Variants in TUBAL3 observed in about 807,000 individuals in gnomAD.
TUBAL3 encodes the protein tubulin alpha chain-like 3.
TUBAL3 carries 16 observed loss-of-function variants against 15.5 expected under a neutral mutation model. That is an observed-to-expected ratio of 1.04 (90% CI 0.70 to 1.57). The LOEUF is 1.57. Ranked by LOEUF, TUBAL3 falls within the 40% of genes most tolerant of loss-of-function variation. The pLI is 0.00. For missense variants in TUBAL3, 609 were observed against 576.2 expected (o/e 1.06, Z -0.58); for synonymous variants, 238 against 224.3 (o/e 1.06, Z -0.55).
At position 5,395,661 on chromosome 10, in the gene TUBAL3, C is replaced by T. The variant is rs921808134; in HGVS notation, c.248-186G>A. Among the ~76,000 whole-genome samples, 1 of 152,170 alleles carries T rather than the reference C, an allele frequency of 6.6e-6. No homozygotes were observed. Among genetic ancestry groups the T allele is most frequent in the African/African-American group, 2.4e-5 (1 of 41,430 alleles). On this transcript the variant is annotated intron_variant, in intron 2 of 3. Transcript: ENST00000380419. This position sits in a 1 kb window ranked among gnomAD's most constrained non-coding sequence, Gnocchi z 4.6. ...AGTCCAGGAGAAGTGGAATTTTTTA[C>T]ATATACATGGAAAGTATGTTTTTCT...
rs782485235 is a variant in TUBAL3 at position 5,395,434 on chromosome 10, C to T, written c.289G>A (p.Glu97Lys). 13 of 1,601,824 alleles carry T rather than the reference C, an allele frequency of 8.1e-6. No homozygotes were observed. Among genetic ancestry groups the T allele is most frequent in the South Asian group, 4.5e-5 (4 of 89,630 alleles). ...TCCTCCTTTCCGCTAAGGAGCTGCT[C>T]GGGGTGGAAGAGTGAACGGTGCTGG... ...TGQHRSLFHP[E>K]QLLSGKEDAA... The change falls in exon 3 of 4, where the codon GAG (glutamate) becomes AAG (lysine). Residue 97 changes from glutamate to lysine, a missense_variant. Coordinates refer to ENST00000380419, the MANE Select transcript of TUBAL3 (RefSeq NM_024803.3). The surrounding 1 kb of genome is among the most constrained non-coding windows in gnomAD (Gnocchi z 4.6).
intron 1 of TUBAL3, among the ~76,000 whole-genome samples, chr10:5,403,667 G>A (rs1831890868): frequency 6.6e-6 from 1 of 152,154 alleles, no homozygotes; most frequent in Non-Finnish European, 1.5e-5. Flanking sequence ...CGTCTTTGAA[G>A]GAGCTTAGCT....
At position 5,394,615 on chromosome 10, in the gene TUBAL3, T is replaced by C. The variant is rs1356493501; in HGVS notation, c.397-154A>G. ...TTAACTCCACAACAAACATAGCTAC[T>C]TTGAAATACTCTCAAGGGGACTTCT... On this transcript the variant is annotated intron_variant, in intron 3 of 3. Transcript: ENST00000380419. The surrounding 1 kb of genome is among the most constrained non-coding windows in gnomAD (Gnocchi z 4.3). Among the ~76,000 whole-genome samples the C allele has an allele frequency of 6.6e-6, 1 of 152,198 alleles. No homozygotes were observed. Among genetic ancestry groups the C allele is most frequent in the East Asian group, 1.9e-4 (1 of 5,200 alleles).
At chr10:5,403,133 C>T (rs1831881219) in intron 1 of TUBAL3, among the ~76,000 whole-genome samples, 1 of 152,216 alleles carries the variant, frequency 6.6e-6, no homozygotes, top group African/African-American at 2.4e-5. Flanking sequence ...TTCTGTGCAA[C>T]TATCAGTCTC....
At position 5,394,222 on chromosome 10, in the gene TUBAL3, G is replaced by C. The variant is rs782789211; in HGVS notation, c.636C>G (p.Asp212Glu). ...TEHTDCTFMV[D>E]NEAVYDICHR... Reference sequence around the variant, plus strand: ...GGCATATATCATAGACGGCCTCGTTGTCCACCATGAAGGTACAGTCCGTGT... The same window carrying C: ...GGCATATATCATAGACGGCCTCGTTCTCCACCATGAAGGTACAGTCCGTGT... Residue 212 changes from aspartate (D) to glutamate (E), a missense_variant, in exon 4 of 4, where the codon GAC becomes GAG. Asp to Glu is a conservative substitution (Grantham distance 45). Coordinates refer to ENST00000380419, the MANE Select transcript of TUBAL3 (RefSeq NM_024803.3). The surrounding 1 kb of genome is among the most constrained non-coding windows in gnomAD (Gnocchi z 4.3). 3.1e-6 allele frequency: 5 copies of C among 1,614,200 alleles called. No homozygotes were observed. Among genetic ancestry groups the C allele is most frequent in the Non-Finnish European group, 4.2e-6 (5 of 1,180,040 alleles).
At position 5,395,281 on chromosome 10, in the gene TUBAL3, C is replaced by A; in HGVS notation, c.396+46G>T. ...TTGTGAGTTCTGCCGCAGGACCCCACATGCCCCAGGCACAGCCCACTCGGA... is the reference window on the plus strand; with the variant it reads ...TTGTGAGTTCTGCCGCAGGACCCCAAATGCCCCAGGCACAGCCCACTCGGA... On this transcript the variant is annotated intron_variant, in intron 3 of 3. Coordinates refer to ENST00000380419, the MANE Select transcript of TUBAL3 (RefSeq NM_024803.3). The surrounding 1 kb of genome is among the most constrained non-coding windows in gnomAD (Gnocchi z 4.6). The A allele has an allele frequency of 7.0e-7, 1 of 1,420,804 alleles. No homozygotes were observed. The highest frequency in any genetic ancestry group is 9.3e-7 in the Non-Finnish European group (1 of 1,075,148). The allele number at this position is 1,420,804 out of a possible 1,614,324, so 88.0% of individuals were successfully genotyped here. A position where few individuals can be genotyped will look rare whatever the true frequency, so the allele number is the denominator to read the frequency against.
chr10:5,404,759 T>C (rs2119152149), intron 1 of TUBAL3, 31 bp downstream of exon 1: 1 of 1,612,566 alleles, frequency 6.2e-7, no homozygotes, highest in East Asian at 2.2e-5. Flanking sequence ...TAAAATTTCC[T>C]ACAACAATGC....
rs1554813675 is a variant in TUBAL3, at chr10:5,393,491, A to G, written c.*26T>C. 6.5e-7 allele frequency: 1 copy of G among 1,543,032 alleles called. No individual in the cohort carries two copies. The highest frequency in any genetic ancestry group is 8.7e-7 in the Non-Finnish European group (1 of 1,143,210). ...AGAAAACATGCCATTTTAACTTGACATTCATTTGCACCCATCATACATGCC... is the reference window on the plus strand; with the variant it reads ...AGAAAACATGCCATTTTAACTTGACGTTCATTTGCACCCATCATACATGCC... On this transcript the variant is annotated 3_prime_UTR_variant, in exon 4 of 4. Transcript: ENST00000380419.
At position 5,394,573 on chromosome 10, in the gene TUBAL3, G is replaced by A; in HGVS notation, c.397-112C>T. ...TCCCCAAAACAAAATCTTTCAGAAA[G>A]GACTCCTTTGCCTTTGTTAACTCCA... On this transcript the variant is annotated intron_variant, in intron 3 of 3. Transcript: ENST00000380419. The surrounding 1 kb of genome is among the most constrained non-coding windows in gnomAD (Gnocchi z 4.3). The A allele has an allele frequency of 3.2e-6, 3 of 946,678 alleles. No individual in the cohort carries two copies. The highest frequency in any genetic ancestry group is 3.6e-5 in the South Asian group (2 of 55,552). 58.6% of individuals were successfully genotyped at this position (946,678 alleles called of 1,614,324 possible). A position where few individuals can be genotyped will look rare whatever the true frequency, so the allele number is the denominator to read the frequency against.
chr10:5,404,692 T>C, intron 1 of TUBAL3, 98 bp downstream of exon 1: 1 of 1,259,108 alleles, frequency 7.9e-7, no homozygotes, highest in Non-Finnish European at 1.1e-6. Context: ...TGTCTTCTCT[T>C]GCATTACAAT....
Position 5,394,153 on chromosome 10 carries a change from A to C in TUBAL3, c.705T>G (p.Asn235Lys). 6.2e-7 allele frequency: 1 copy of C among 1,614,222 alleles called. No individual in the cohort carries two copies. The highest frequency in any genetic ancestry group is 8.5e-7 in the Non-Finnish European group (1 of 1,180,050). The change falls in exon 4 of 4, where the codon AAT becomes AAG. Residue 235 changes from asparagine (N) to lysine (K), a missense_variant. Coordinates refer to ENST00000380419, the MANE Select transcript of TUBAL3 (RefSeq NM_024803.3). The surrounding 1 kb of genome is among the most constrained non-coding windows in gnomAD (Gnocchi z 4.3). ...GVECPSHASINRLVVQVVSSI... is the reference protein window; with the variant it reads ...GVECPSHASIKRLVVQVVSSI... Reference sequence around the variant, plus strand: ...AAGATACCACCTGAACCACCAATCTATTGATGCTGGCATGAGAGGGGCATT... The same window carrying C: ...AAGATACCACCTGAACCACCAATCTCTTGATGCTGGCATGAGAGGGGCATT...
At position 5,394,447 on chromosome 10, in the gene TUBAL3, A is replaced by T; in HGVS notation, c.411T>A (p.Gly137=). The change falls in exon 4 of 4, where the codon GGT becomes GGA. Residue 137 remains glycine, a synonymous_variant. Transcript: ENST00000380419. The surrounding 1 kb of genome is among the most constrained non-coding windows in gnomAD (Gnocchi z 4.3). ...GGAAAATCAAAAATCCCTGAAGTCC[A>T]CCACACTGTTCTGCCTGGAGAAAGT... The part of the protein sequence containing the change: ...ERTRKLAEQC[G]GLQGFLIFRS... 1 of 1,608,756 alleles carries T rather than the reference A, an allele frequency of 6.2e-7. No individual in the cohort carries two copies. Among genetic ancestry groups the T allele is most frequent in the Non-Finnish European group, 8.5e-7 (1 of 1,177,598 alleles).
Position 5,393,339 on chromosome 10 carries a change from G to A in TUBAL3, c.*178C>T, listed in dbSNP as rs1286395155. On this transcript the variant is annotated 3_prime_UTR_variant, in exon 4 of 4. Coordinates refer to ENST00000380419, the MANE Select transcript of TUBAL3 (RefSeq NM_024803.3). ...AGAGCTGACTTGTACCAGTAGACCA[G>A]GAAATAATGTGTTCATTGTTGGTAC... is the stretch of plus-strand genomic sequence containing the variant. The A allele has an allele frequency of 6.7e-5, 39 of 580,760 alleles. No homozygotes were observed. In the East Asian group the frequency reaches 1.1e-3, roughly 16 times the overall value. 36.0% of individuals were successfully genotyped at this position (580,760 alleles called of 1,614,324 possible). A position where few individuals can be genotyped will look rare whatever the true frequency, so the allele number is the denominator to read the frequency against.
chr10:5,394,276 A>G lies in TUBAL3; in HGVS notation c.582T>C (p.Ser194=). 2 of 1,614,128 alleles carry G rather than the reference A, an allele frequency of 1.2e-6. No homozygotes were observed. The highest frequency in any genetic ancestry group is 2.2e-5 in the South Asian group (2 of 91,070). ...ISTAVVEPYN[S]VLTTHSTTEH... is the part of the protein sequence containing the mutation. Reference sequence around the variant, plus strand: ...CTGTGGTGGAGTGGGTGGTGAGGACAGAGTTATAAGGCTCTACCACAGCAG... The same window carrying G: ...CTGTGGTGGAGTGGGTGGTGAGGACGGAGTTATAAGGCTCTACCACAGCAG... Residue 194 remains serine, a synonymous_variant, in exon 4 of 4, where the codon TCT becomes TCC. Coordinates refer to ENST00000380419, the MANE Select transcript of TUBAL3 (RefSeq NM_024803.3). This position sits in a 1 kb window ranked among gnomAD's most constrained non-coding sequence, Gnocchi z 4.3.
intron 2 of TUBAL3, among the ~76,000 whole-genome samples, chr10:5,399,902 G>A (rs1193523933): frequency 6.6e-6 from 1 of 152,150 alleles, no homozygotes; most frequent in African/African-American, 2.4e-5. Flanking sequence ...GAACAAACCA[G>A]CAATCATTAT....
At chr10:5,400,021 G>A (rs1258956257) in intron 2 of TUBAL3, among the ~76,000 whole-genome samples, 2 of 152,178 alleles carry the variant, frequency 1.3e-5, no homozygotes, top group African/African-American at 4.8e-5. Flanking sequence ...TCTTAAGTCA[G>A]TAAGAGCCCC....
In TUBAL3 at chr10:5,396,780, A is replaced by G. The variant is rs1326770604; in HGVS notation, c.248-1305T>C. 2.0e-5 allele frequency among the ~76,000 whole-genome samples: 3 copies of G among 152,182 alleles called. No homozygotes were observed. Among genetic ancestry groups the G allele is most frequent in the East Asian group, 3.9e-4 (2 of 5,190 alleles). ...TCCACCTTAGAATTACTCAAATAGC[A>G]TTATTCCTGATGATTAAACAGCAGT... On this transcript the variant is annotated intron_variant, in intron 2 of 3. Coordinates refer to ENST00000380419, the MANE Select transcript of TUBAL3 (RefSeq NM_024803.3). This position sits in a 1 kb window ranked among gnomAD's most constrained non-coding sequence, Gnocchi z 5.1.
chr10:5,402,394 CA>C (rs1831868579), intron 1 of TUBAL3, among the ~76,000 whole-genome samples: 1 of 152,170 alleles, frequency 6.6e-6, no homozygotes, highest in Non-Finnish European at 1.5e-5. Context: ...GGTGCTGAAA[CA>C]AATCTATTTA....
rs1831746283 is a variant in TUBAL3, at chr10:5,395,322, C to G, written c.396+5G>C. On this transcript the variant is annotated splice_donor_5th_base_variant and intron_variant, in intron 3 of 3. Transcript: ENST00000380419. This position sits in a 1 kb window ranked among gnomAD's most constrained non-coding sequence, Gnocchi z 4.6. The stretch of plus-strand genomic sequence containing the variant: ...CCCACTCGGAGGAGAGGGGGAGCCA[C>G]TTGCCAGCTTCCGGGTCCTCTCCAG... The G allele has an allele frequency of 2.0e-6, 3 of 1,536,876 alleles. No individual in the cohort carries two copies. Among genetic ancestry groups the G allele is most frequent in the South Asian group, 1.2e-5 (1 of 81,334 alleles).
Sources: gnomAD v4.1 joint callset for allele counts (sites outside exome capture counted in the v4.1 genomes callset) on GRCh38, gnomAD v4.1.1 for gene constraint, Gnocchi (gnomAD v3.1) non-coding constraint, MANE v1.5 for transcripts, NCBI Gene and HGNC (gene_info 2026-07-23, HGNC 2026-07-21) for gene names.